Variants in DNAH14 observed in about 807,000 individuals in gnomAD.
DNAH14 encodes dynein axonemal heavy chain 14.
In DNAH14, 478 loss-of-function variants were observed where a neutral mutation model predicts 520.9. That is an observed-to-expected ratio of 0.92 (90% CI 0.85 to 0.99). DNAH14 has a LOEUF of 0.99. Ranked by LOEUF, DNAH14 falls within the 50% of genes least tolerant of loss-of-function variation. DNAH14 has a pLI of 0.00. For synonymous variants in DNAH14, 1,581 were observed against 1,757.2 expected (o/e 0.90, Z 2.51); for missense variants, 4,831 against 5,234.5 (o/e 0.92, Z 2.38).
At chr1:225,119,765 G>C (rs988552357) in intron 26 of DNAH14, among the ~76,000 whole-genome samples, 9 of 152,144 alleles carry the variant, frequency 5.9e-5, no homozygotes, top group African/African-American at 2.2e-4. Context: ...AAACCTCAGA[G>C]CGTGAACTTT....
chr1:225,331,229 TG>T (rs1371325037), intron 64 of DNAH14, among the ~76,000 whole-genome samples: 1 of 152,118 alleles, frequency 6.6e-6, no homozygotes, highest in Non-Finnish European at 1.5e-5. Context: ...AGAAGCAAGA[TG>T]GCATTTAAAA....
rs2095883157 is a variant in DNAH14, at chr1:225,389,875, TG to T, written c.13330+3del. The stretch of plus-strand genomic sequence containing the variant: ...TCCCAGCTTTCTTCTTTCCACAAGG[TG>T]AGCATTAGAACCAAGGTCAGCTCCA... On this transcript the variant is annotated splice_donor_region_variant and intron_variant, in intron 83 of 85. Transcript: ENST00000682510. 3.2e-6 allele frequency: 5 copies of T among 1,551,558 alleles called. No homozygotes were observed. The highest frequency in any genetic ancestry group is 4.4e-6 in the Non-Finnish European group (5 of 1,146,890).
intron 6 of DNAH14, chr1:224,967,860 A>C: frequency 7.7e-7 from 1 of 1,298,896 alleles, no homozygotes; most frequent in Non-Finnish European, 9.8e-7. Context: ...GAAGAACTAC[A>C]AAACAAGCAT....
chr1:225,275,878 A>G, intron 52 of DNAH14, 36 bp from the exon 53 acceptor site: 1 of 284,180 alleles, frequency 3.5e-6, no homozygotes, highest in Non-Finnish European at 7.3e-6. Context: ...GAATTGTGCT[A>G]TTAATGGATA....
intron 58 of DNAH14, among the ~76,000 whole-genome samples, chr1:225,306,932 G>C (rs2094257014): frequency 6.6e-6 from 1 of 151,894 alleles, no homozygotes; most frequent in South Asian, 2.1e-4. Context: ...GGTAGATATG[G>C]GGGGAGAAAA....
intron 53 of DNAH14, among the ~76,000 whole-genome samples, chr1:225,276,580 C>T (rs1334665001): frequency 2.6e-5 from 4 of 152,066 alleles, no homozygotes; most frequent in African/African-American, 7.2e-5. Context: ...ACCACTTATC[C>T]TACTTGCCAA....
At chr1:225,269,439 A>T (rs1352087557) in intron 49 of DNAH14, among the ~76,000 whole-genome samples, 1 of 152,230 alleles carries the variant, frequency 6.6e-6, no homozygotes, top group Non-Finnish European at 1.5e-5. Context: ...CATGTCTAAA[A>T]CACCAAAAGC....
chr1:225,330,630 G>A (rs777362080), intron 64 of DNAH14, among the ~76,000 whole-genome samples: 22 of 152,126 alleles, frequency 1.4e-4, no homozygotes, highest in Non-Finnish European at 2.2e-4. Context: ...TGGAGATAGA[G>A]GGCAGAAAGA....
At chr1:225,140,663 C>A in intron 27 of DNAH14, 105 bp from the exon 28 acceptor site, 1 of 936,624 alleles carries the variant, frequency 1.1e-6, no homozygotes, top group Non-Finnish European at 1.5e-6. Flanking sequence ...ACATACACAC[C>A]ACATAAACTT....
At chr1:225,050,134 A>G in intron 15 of DNAH14, 76 bp from the exon 16 acceptor site, 1 of 1,259,062 alleles carries the variant, frequency 7.9e-7, no homozygotes, top group East Asian at 2.6e-5. Context: ...CAATAGTTCT[A>G]GATGTCATGG....
At chr1:225,338,258 G>A (rs780991371) in intron 68 of DNAH14, 76 bp downstream of exon 68, 1 of 1,499,238 alleles carries the variant, frequency 6.7e-7, no homozygotes, top group East Asian at 2.5e-5. Context: ...TTGTATTTCA[G>A]TCCTGTCAAG....
At chr1:224,938,135 CAA>C (rs1164408466) in intron 1 of DNAH14, among the ~76,000 whole-genome samples, 1 of 151,692 alleles carries the variant, frequency 6.6e-6, no homozygotes, top group African/African-American at 2.4e-5. Context: ...AGGTATTTGG[CAA>C]AGATTTATTT....
At chr1:225,296,201 G>GT (rs1047844683) in intron 55 of DNAH14, among the ~76,000 whole-genome samples, 24 of 151,984 alleles carry the variant, frequency 1.6e-4, no homozygotes, top group Non-Finnish European at 2.6e-4. Flanking sequence ...AGCCAGTCTT[G>GT]TTTTTTATCA....
intron 61 of DNAH14, among the ~76,000 whole-genome samples, chr1:225,319,510 T>A (rs954208084): frequency 7.9e-5 from 12 of 152,202 alleles, no homozygotes; most frequent in African/African-American, 2.7e-4. Flanking sequence ...GCTTTTGTGA[T>A]AAGAAGAATT....
At chr1:225,042,764 C>T (rs561178769) in intron 12 of DNAH14, 71 bp from the exon 13 acceptor site, 298 of 1,461,786 alleles carry the variant, frequency 2.0e-4, no homozygotes, top group Middle Eastern at 8.1e-4. Flanking sequence ...AAATTTTGGT[C>T]TGTATTCTAA....
chr1:224,989,516 G>A (rs2062884675), intron 8 of DNAH14, among the ~76,000 whole-genome samples: 1 of 151,972 alleles, frequency 6.6e-6, no homozygotes, highest in Non-Finnish European at 1.5e-5. Context: ...TCTGTAAATA[G>A]GGACAATTTA....
chr1:225,266,599 G>T, intron 48 of DNAH14, 42 bp from the exon 49 acceptor site: 2 of 1,341,850 alleles, frequency 1.5e-6, no homozygotes, highest in Non-Finnish European at 9.7e-7. Flanking sequence ...TTAAAGAAAG[G>T]TGTACTAATA....
chr1:225,177,898 C>A (rs1395292012), intron 36 of DNAH14, among the ~76,000 whole-genome samples: 1 of 152,062 alleles, frequency 6.6e-6, no homozygotes, highest in Non-Finnish European at 1.5e-5. Flanking sequence ...AGAAGAGGGC[C>A]ACCATCCTCC....
chr1:225,286,994 T>C (rs545989450), intron 54 of DNAH14, among the ~76,000 whole-genome samples: 1 of 152,192 alleles, frequency 6.6e-6, no homozygotes, highest in Non-Finnish European at 1.5e-5. Context: ...GGCAACATAT[T>C]ATATGATTCC....
Sources: gnomAD v4.1 joint callset for allele counts (sites outside exome capture counted in the v4.1 genomes callset) on GRCh38, gnomAD v4.1.1 for gene constraint, MANE v1.5 for transcripts, NCBI Gene and HGNC (gene_info 2026-07-23, HGNC 2026-07-21) for gene names.